PTPRO: variants seen among roughly 807,000 people sequenced by gnomAD.
The protein encoded by PTPRO is protein tyrosine phosphatase receptor type O.
In PTPRO, 62 loss-of-function variants were observed where a neutral mutation model predicts 145.2. The observed-to-expected ratio is 0.43, with a 90% CI of 0.35 to 0.53. The LOEUF is 0.53. Among genes scored for constraint, PTPRO ranks in the 20% least tolerant of loss-of-function variants. PTPRO has a pLI of 0.01. For synonymous variants in PTPRO, 565 were observed against 514.7 expected (o/e 1.10, Z -1.32); for missense variants, 1,345 against 1,482.7 (o/e 0.91, Z 1.53).
intron 15 of PTPRO, among the ~76,000 whole-genome samples, chr12:15,556,478 G>A (rs1943628765): frequency 6.6e-6 from 1 of 151,430 alleles, no homozygotes; most frequent in African/African-American, 2.4e-5. Flanking sequence ...GAGAAGGCAT[G>A]AGAATATGTT....
chr12:15,455,205 A>G (rs756509092), intron 1 of PTPRO, among the ~76,000 whole-genome samples: 6 of 152,038 alleles, frequency 3.9e-5, no homozygotes, highest in Non-Finnish European at 7.4e-5. Flanking sequence ...CACTGCCACC[A>G]TTATACCACT....
chr12:15,557,260 C>T (rs56077102), intron 15 of PTPRO, among the ~76,000 whole-genome samples, 195 bp from the exon 16 acceptor site: 161 of 152,246 alleles, frequency 1.1e-3, no homozygotes, highest in Admixed American at 2.6e-3. Context: ...AAACTCCTGA[C>T]CTCAGGTGAT....
At chr12:15,513,465 A>G (rs1333556859) in intron 7 of PTPRO, among the ~76,000 whole-genome samples, 1 of 152,224 alleles carries the variant, frequency 6.6e-6, no homozygotes, top group Non-Finnish European at 1.5e-5. Context: ...ATATAATCTT[A>G]TTTTGTTTAA....
At chr12:15,456,047 C>T (rs1467385367) in intron 1 of PTPRO, among the ~76,000 whole-genome samples, 2 of 152,072 alleles carry the variant, frequency 1.3e-5, no homozygotes, top group African/African-American at 4.8e-5. Context: ...TTGTCTTGTT[C>T]TGGATTTTAG....
chr12:15,450,797 A>T (rs931123192), intron 1 of PTPRO, among the ~76,000 whole-genome samples: 2 of 152,072 alleles, frequency 1.3e-5, no homozygotes, highest in Non-Finnish European at 1.5e-5. Context: ...TTTAAATAAA[A>T]AAACTACCAA....
intron 1 of PTPRO, among the ~76,000 whole-genome samples, chr12:15,357,242 A>G (rs1216687555): frequency 6.6e-6 from 1 of 152,206 alleles, no homozygotes; most frequent in Admixed American, 6.5e-5. Flanking sequence ...TCTGACTGCT[A>G]CTGTCATTTC....
intron 1 of PTPRO, among the ~76,000 whole-genome samples, chr12:15,472,827 A>G (rs1337422503): frequency 6.6e-6 from 1 of 152,226 alleles, no homozygotes; most frequent in African/African-American, 2.4e-5. Context: ...CAGGGAGTCT[A>G]CCACTAGCAA....
intron 1 of PTPRO, among the ~76,000 whole-genome samples, chr12:15,423,433 T>C (rs186906069): frequency 6.6e-6 from 1 of 152,286 alleles, no homozygotes; most frequent in African/African-American, 2.4e-5. Context: ...TTAATTATAG[T>C]TTATTTCTCA....
intron 1 of PTPRO, among the ~76,000 whole-genome samples, chr12:15,415,480 G>A (rs537626176): frequency 1.5e-4 from 22 of 151,626 alleles, no homozygotes; most frequent in Middle Eastern, 3.4e-3. Flanking sequence ...CGCCTCCCAG[G>A]TTCACGCCAT....
chr12:15,441,517 T>C (rs1011226589), intron 1 of PTPRO, among the ~76,000 whole-genome samples: 4 of 152,028 alleles, frequency 2.6e-5, no homozygotes, highest in African/African-American at 9.7e-5. Flanking sequence ...GGGCAGATAT[T>C]GAGAATCAAA....
chr12:15,440,321 C>T (rs976918662), intron 1 of PTPRO: 9 of 486,792 alleles, frequency 1.8e-5, no homozygotes, highest in African/African-American at 1.8e-4. Context: ...GTCTCCCTAT[C>T]AGGAATTCAC....
intron 24 of PTPRO, chr12:15,587,263 ATTTTT>A: frequency 5.1e-6 from 3 of 588,532 alleles, no homozygotes; most frequent in Non-Finnish European, 2.9e-6. Context: ...TATTATTCCA[ATTTTT>A]AAATGAAAAA....
intron 15 of PTPRO, among the ~76,000 whole-genome samples, chr12:15,556,246 A>G (rs117306982): frequency 1.2e-3 from 184 of 152,344 alleles, no homozygotes; most frequent in Non-Finnish European, 1.8e-3. Flanking sequence ...ATTATAATAC[A>G]CTATGATATT....
chr12:15,556,982 T>C (rs1301960878), intron 15 of PTPRO, among the ~76,000 whole-genome samples: 6 of 152,112 alleles, frequency 3.9e-5, no homozygotes, highest in Non-Finnish European at 8.8e-5. Flanking sequence ...CTGTTTTGCA[T>C]TGTATGCCAA....
chr12:15,410,225 T>G (rs1939761681), intron 1 of PTPRO: 2 of 152,374 alleles, frequency 1.3e-5, no homozygotes, highest in African/African-American at 2.4e-5. Flanking sequence ...TAATTTTATA[T>G]GTCAACTTGA....
chr12:15,584,492 A>G (rs1388461372), intron 23 of PTPRO, among the ~76,000 whole-genome samples: 1 of 152,212 alleles, frequency 6.6e-6, no homozygotes, highest in African/African-American at 2.4e-5. Flanking sequence ...GGTCAGTACT[A>G]TGCTTCTTGT....
At chr12:15,579,976 G>A in intron 20 of PTPRO, 63 bp from the exon 21 acceptor site, 1 of 1,309,390 alleles carries the variant, frequency 7.6e-7, no homozygotes, top group Non-Finnish European at 1.1e-6. Flanking sequence ...TGGATAGAAA[G>A]GGCCAAAATA....
At chr12:15,433,982 C>T (rs560060826) in intron 1 of PTPRO, among the ~76,000 whole-genome samples, 1 of 152,258 alleles carries the variant, frequency 6.6e-6, no homozygotes, top group East Asian at 1.9e-4. Context: ...TGAAAATCCT[C>T]CAAAATTTTC....
intron 1 of PTPRO, among the ~76,000 whole-genome samples, chr12:15,363,102 G>T (rs544565687): frequency 1.3e-5 from 2 of 152,086 alleles, no homozygotes; most frequent in African/African-American, 4.8e-5. Flanking sequence ...TTTCTGTGCC[G>T]ACCTTGGGTA....
Sources: allele counts gnomAD v4.1 joint callset (sites outside exome capture counted in the v4.1 genomes callset), GRCh38; gene constraint gnomAD v4.1.1; transcripts MANE v1.5; gene names NCBI Gene and HGNC (gene_info 2026-07-23, HGNC 2026-07-21).